Variants in CYP4F22 observed in about 807,000 individuals in gnomAD.
CYP4F22 encodes ultra-long-chain fatty acid omega-hydroxylase.
CYP4F22 carries 37 observed loss-of-function variants against 60.4 expected under a neutral mutation model. The ratio of observed to expected loss-of-function variants is 0.61; its 90% CI spans 0.47 to 0.81. CYP4F22 has a LOEUF of 0.81. CYP4F22 is among the 30% of genes least tolerant of loss of function. The pLI is 0.00. For missense variants in CYP4F22, 655 were observed against 715.0 expected (o/e 0.92, Z 0.96); for synonymous variants, 258 against 280.5 (o/e 0.92, Z 0.80).
chr19:15,548,078 G>A, intron 10 of CYP4F22, 30 bp from the exon 11 acceptor site: 1 of 1,580,440 alleles, frequency 6.3e-7, no homozygotes, highest in East Asian at 2.4e-5. Flanking sequence ...ATGGTGGCTC[G>A]GCCTCTAGTT....
chr19:15,509,291 C>G (rs1455055129), intron 1 of CYP4F22, among the ~76,000 whole-genome samples: 1 of 152,144 alleles, frequency 6.6e-6, no homozygotes, highest in Admixed American at 6.5e-5. Flanking sequence ...GGCTGGCCAC[C>G]TGGGGAGTCG....
At chr19:15,545,063 A>AC (rs1369581902) in intron 10 of CYP4F22, among the ~76,000 whole-genome samples, 3 of 150,434 alleles carry the variant, frequency 2.0e-5, no homozygotes, top group Non-Finnish European at 3.0e-5. Context: ...CTCTGTCCCC[A>AC]CCCCCCCACA....
At chr19:15,550,571 G>A in intron 12 of CYP4F22, 103 bp from the exon 13 acceptor site, 1 of 1,133,542 alleles carries the variant, frequency 8.8e-7, no homozygotes. Flanking sequence ...GCCCTGGGGT[G>A]CTCCCCATCC....
At chr19:15,542,213 C>G (rs1466715559) in intron 8 of CYP4F22, among the ~76,000 whole-genome samples, 1 of 151,854 alleles carries the variant, frequency 6.6e-6, no homozygotes, top group African/African-American at 2.4e-5. Flanking sequence ...TTTCTTTTTT[C>G]TTGTTTTTTA....
At chr19:15,519,181 G>T (rs116981979) in intron 1 of CYP4F22, among the ~76,000 whole-genome samples, 1 of 152,126 alleles carries the variant, frequency 6.6e-6, no homozygotes, top group Admixed American at 6.6e-5. Flanking sequence ...ACAGAGGAAA[G>T]GGGGGACAAC....
At position 15,531,283 on chromosome 19, in the gene CYP4F22, G is replaced by C. The variant is rs141671310; in HGVS notation, c.367+1430G>C. ...CAGTCCCAGCTACTCAGGAGGCTGA[G>C]GTGAGAGGATTGCTTGAGCCCAGCA... On this transcript the variant is annotated intron_variant, in intron 4 of 13. Coordinates refer to ENST00000269703, the MANE Select transcript of CYP4F22 (RefSeq NM_173483.4). Among the ~76,000 whole-genome samples the C allele has an allele frequency of 6.0e-3, 908 of 152,038 alleles. 10 individuals carry two copies. The highest frequency in any genetic ancestry group is 0.02 in the African/African-American group (839 of 41,452).
chr19:15,512,933 C>T (rs749193328), intron 1 of CYP4F22, among the ~76,000 whole-genome samples: 2 of 152,170 alleles, frequency 1.3e-5, no homozygotes, highest in South Asian at 2.1e-4. Flanking sequence ...ACCCCTGTCC[C>T]GAGTTCTTTC....
At chr19:15,532,056 T>A (rs1392167079) in intron 4 of CYP4F22, among the ~76,000 whole-genome samples, 28 of 152,014 alleles carry the variant, frequency 1.8e-4, no homozygotes, top group Admixed American at 1.8e-3. Context: ...CAGAGAGCTA[T>A]GATTGTGCCA....
rs1183507990 is a variant in CYP4F22 at position 15,510,945 on chromosome 19, C to CATATATATAT, written c.-109+2375_-109+2384dup. 6.5e-4 allele frequency among the ~76,000 whole-genome samples: 72 copies of CATATATATAT among 111,580 alleles called. 1 individual carries two copies. Among genetic ancestry groups the CATATATATAT allele is most frequent in the African/African-American group, 2.5e-3 (68 of 27,610 alleles). The allele number at this position is 111,580 out of a possible 152,430, so 73.2% of individuals were successfully genotyped here. ...ACCAGCCTGGGGAATATAGGGATAC[C>CATATATATAT]ATATATATATATATATATATATTTT... On this transcript the variant is annotated intron_variant, in intron 1 of 13. Transcript: ENST00000269703.
intron 1 of CYP4F22, among the ~76,000 whole-genome samples, chr19:15,511,782 G>T (rs1175208658): frequency 6.6e-6 from 1 of 152,180 alleles, no homozygotes; most frequent in African/African-American, 2.4e-5. Flanking sequence ...GTCGGCCTGG[G>T]TCCGTGCCCT....
At chr19:15,530,011 G>A (rs969882226) in intron 4 of CYP4F22, among the ~76,000 whole-genome samples, 158 bp downstream of exon 4, 2 of 152,232 alleles carry the variant, frequency 1.3e-5, no homozygotes, top group African/African-American at 4.8e-5. Flanking sequence ...TCCAGATTGT[G>A]AGAACAGTAT....
chr19:15,537,922 T>G lies in CYP4F22; in HGVS notation c.600T>G (p.Phe200Leu). 2 of 1,614,208 alleles carry G rather than the reference T, an allele frequency of 1.2e-6. No homozygotes were observed. Among genetic ancestry groups the G allele is most frequent in the African/African-American group, 1.3e-5 (1 of 75,060 alleles). ...AEGSAVSLDM[F>L]EHISLMTLDS... ...GCTCAGCGGTCTCCCTTGATATGTT[T>G]GAGCATATCAGCCTCATGACCCTGG... is the stretch of plus-strand genomic sequence containing the variant. The change falls in exon 7 of 14, where the codon TTT becomes TTG. Residue 200 changes from phenylalanine to leucine, a missense_variant. By Grantham distance (22) the Phe-to-Leu change is conservative. Around this residue, in one of 3 missense-constraint regions of CYP4F22, gnomAD observed 430 missense variants for 457.1 expected, o/e 0.94. Transcript: ENST00000269703.
intron 1 of CYP4F22, among the ~76,000 whole-genome samples, chr19:15,519,186 G>A (rs902029742): frequency 1.3e-5 from 2 of 152,034 alleles, no homozygotes; most frequent in African/African-American, 4.8e-5. Context: ...GGAAAGGGGG[G>A]ACAACGTGGC....
At chr19:15,535,985 C>G (rs1971390567) in intron 4 of CYP4F22, among the ~76,000 whole-genome samples, 1 of 152,058 alleles carries the variant, frequency 6.6e-6, no homozygotes. Flanking sequence ...GCAGAGAGAA[C>G]AGCTGGTGGA....
intron 1 of CYP4F22, among the ~76,000 whole-genome samples, chr19:15,515,013 G>GA (rs959583729): frequency 1.3e-5 from 2 of 151,924 alleles, no homozygotes; most frequent in African/African-American, 4.8e-5. Flanking sequence ...TTTCACACGG[G>GA]AAAAAAAAGA....
At chr19:15,526,740 A>G (rs995719884) in intron 3 of CYP4F22, among the ~76,000 whole-genome samples, 1 of 144,438 alleles carries the variant, frequency 6.9e-6, no homozygotes, top group Non-Finnish European at 1.5e-5. Context: ...GATAGGCTAG[A>G]CTTTTCCTTT....
chr19:15,548,204 G>A lies in CYP4F22; in HGVS notation c.1233G>A (p.Glu411=). 1 of 1,614,138 alleles carries A rather than the reference G, an allele frequency of 6.2e-7. No individual in the cohort carries two copies. Among genetic ancestry groups the A allele is most frequent in the Non-Finnish European group, 8.5e-7 (1 of 1,180,042 alleles). ...PVTLVSRQCT[E]DIKLPDGRII... ...CTCTTGTCTCTCGCCAATGCACGGA[G>A]GACATCAAGCTCCCAGATGGGCGCA... The change falls in exon 11 of 14, where the codon GAG becomes GAA. Residue 411 remains glutamate (E), a synonymous_variant. Transcript: ENST00000269703.
At chr19:15,510,692 T>C (rs8110707) in intron 1 of CYP4F22, among the ~76,000 whole-genome samples, 39,881 of 152,060 alleles carry the variant, frequency 0.26, 5,575 homozygotes, top group South Asian at 0.31. Flanking sequence ...AAGGTTTGAA[T>C]ATGATCAAAG....
At chr19:15,509,292 T>G (rs1267447446) in intron 1 of CYP4F22, among the ~76,000 whole-genome samples, 1 of 152,132 alleles carries the variant, frequency 6.6e-6, no homozygotes. Flanking sequence ...GCTGGCCACC[T>G]GGGGAGTCGC....
Sources: gnomAD v4.1 joint callset for allele counts (sites outside exome capture counted in the v4.1 genomes callset) on GRCh38, gnomAD v4.1.1 for gene constraint, gnomAD v4.1.1 regional missense constraint, MANE v1.5 for transcripts, NCBI Gene and HGNC (gene_info 2026-07-23, HGNC 2026-07-21) for gene names.